PDS5A: variants seen among roughly 807,000 people sequenced by gnomAD.
PDS5A encodes the protein sister chromatid cohesion protein PDS5 homolog A.
Under a neutral mutation model 167.1 loss-of-function variants are expected in PDS5A, and 42 were observed. That is an observed-to-expected ratio of 0.25 (90% confidence interval 0.20 to 0.33). PDS5A has a LOEUF of 0.33. PDS5A is among the 10% of genes least tolerant of loss of function. The pLI is 1.00. For missense variants in PDS5A, 1,033 were observed against 1,605.9 expected, an observed-to-expected ratio of 0.64 and a Z score of 6.10; for synonymous variants, 553 against 554.6, an observed-to-expected ratio of 1.00 and a Z score of 0.04.
chr4:39,935,704 G>A (rs1726530114), intron 2 of PDS5A, among the ~76,000 whole-genome samples: 1 of 152,158 alleles, frequency 6.6e-6, no homozygotes, highest in South Asian at 2.1e-4. Flanking sequence ...CAGGTAGTAT[G>A]TGAATCATCC....
chr4:39,961,689 C>G (rs62309245), intron 2 of PDS5A, among the ~76,000 whole-genome samples: 29,592 of 152,114 alleles, frequency 0.19, 3,381 homozygotes, highest in South Asian at 0.28. Flanking sequence ...GCACCGCACC[C>G]AGCCATGTGG....
intron 18 of PDS5A, among the ~76,000 whole-genome samples, chr4:39,879,367 A>G (rs1481694969): frequency 3.3e-5 from 5 of 152,070 alleles, no homozygotes; most frequent in Admixed American, 2.0e-4. Flanking sequence ...AAATATACCA[A>G]GAAATACTCC....
In PDS5A at chr4:39,952,338, A is replaced by C. The variant is rs190600647; in HGVS notation, c.138+24102T>G. ...AGAGTGAGACTCCGTCTCAAAACAA[A>C]ACAAAAACCAATTATTTCAATTTTA... On this transcript the variant is annotated intron_variant, in intron 2 of 32. Transcript: ENST00000303538. 9.1e-3 allele frequency among the ~76,000 whole-genome samples: 1,384 copies of C among 152,336 alleles called. 11 individuals are homozygous for C. Among genetic ancestry groups the C allele is most frequent in the Non-Finnish European group, 0.015 (1,003 of 68,034 alleles).
At chr4:39,845,645 T>C (rs1203537207) in intron 29 of PDS5A, among the ~76,000 whole-genome samples, 173 bp downstream of exon 29, 1 of 152,124 alleles carries the variant, frequency 6.6e-6, no homozygotes, top group East Asian at 1.9e-4. Context: ...AGAGGAGTGG[T>C]TGCTGGCAGA....
chr4:39,828,825 A>T (rs1265685481), intron 32 of PDS5A, among the ~76,000 whole-genome samples: 1 of 152,214 alleles, frequency 6.6e-6, no homozygotes, highest in Non-Finnish European at 1.5e-5. Context: ...ATATTACTGC[A>T]GAGTTGTGAA....
At chr4:39,929,320 G>A (rs377241719) in intron 2 of PDS5A, among the ~76,000 whole-genome samples, 12 of 151,618 alleles carry the variant, frequency 7.9e-5, no homozygotes, top group Admixed American at 4.6e-4. Flanking sequence ...AGCTTCCATC[G>A]AATATAAAGT....
chr4:39,943,440 C>G (rs1189972649), intron 2 of PDS5A, among the ~76,000 whole-genome samples: 1 of 151,638 alleles, frequency 6.6e-6, no homozygotes, highest in Admixed American at 6.6e-5. Context: ...AAATTAGATG[C>G]CACACATTTT....
intron 16 of PDS5A, among the ~76,000 whole-genome samples, chr4:39,897,645 C>T (rs1038892619): frequency 5.9e-5 from 9 of 152,228 alleles, no homozygotes; most frequent in Middle Eastern, 3.4e-3. Flanking sequence ...GTGATCCACA[C>T]GCCTTGGACT....
chr4:39,907,500 C>T (rs773970229), intron 11 of PDS5A, among the ~76,000 whole-genome samples: 1 of 152,088 alleles, frequency 6.6e-6, no homozygotes, highest in Non-Finnish European at 1.5e-5. Flanking sequence ...GCCTGCCTTA[C>T]ACATCTGTTT....
In PDS5A at chr4:39,876,953, G is replaced by A. The variant is rs778035479; in HGVS notation, c.2153+40C>T. ...AATGATTTTATGGTTCCCATACTTAGAAACTTTTGTATTTACCACGGGAGA... is the reference window on the plus strand; with the variant it reads ...AATGATTTTATGGTTCCCATACTTAAAAACTTTTGTATTTACCACGGGAGA... On this transcript the variant is annotated intron_variant, in intron 19 of 32. Transcript: ENST00000303538. 2.0e-6 allele frequency: 3 copies of A among 1,477,726 alleles called. No homozygotes were observed. In the Admixed American group the frequency reaches 5.8e-5, roughly 28 times the overall value. The allele number at this position is 1,477,726 out of a possible 1,614,324, so 91.5% of individuals were successfully genotyped here.
intron 16 of PDS5A, among the ~76,000 whole-genome samples, chr4:39,896,647 T>A (rs772019562): frequency 6.6e-6 from 1 of 151,700 alleles, no homozygotes; most frequent in Non-Finnish European, 1.5e-5. Flanking sequence ...GTGCCTATAG[T>A]CCCAGCTACT....
chr4:39,875,988 T>C (rs1389735770), intron 19 of PDS5A, among the ~76,000 whole-genome samples: 1 of 152,070 alleles, frequency 6.6e-6, no homozygotes, highest in Non-Finnish European at 1.5e-5. Flanking sequence ...GCATTGTGCT[T>C]TTCTGCTTTC....
chr4:39,863,262 G>A, intron 24 of PDS5A, 74 bp downstream of exon 24: 1 of 1,176,870 alleles, frequency 8.5e-7, no homozygotes, highest in Non-Finnish European at 1.2e-6. Context: ...ATTATAAATG[G>A]ATTTGTATCC....
At chr4:39,868,678 C>T in intron 22 of PDS5A, 1 of 449,594 alleles carries the variant, frequency 2.2e-6, no homozygotes, top group South Asian at 1.6e-5. Context: ...ACTATGCTGC[C>T]CAGGTTGGTC....
At chr4:39,897,160 G>A (rs1228350407) in intron 16 of PDS5A, among the ~76,000 whole-genome samples, 1 of 152,110 alleles carries the variant, frequency 6.6e-6, no homozygotes, top group Non-Finnish European at 1.5e-5. Flanking sequence ...TTGGGAGGCC[G>A]AGGTGGGTGG....
intron 2 of PDS5A, among the ~76,000 whole-genome samples, chr4:39,949,411 A>G (rs150076944): frequency 3.5e-4 from 54 of 152,208 alleles, no homozygotes; most frequent in African/African-American, 1.2e-3. Flanking sequence ...TTTATATGAA[A>G]TGTCCAGATC....
chr4:39,899,753 G>GT (rs1447996745), intron 14 of PDS5A, among the ~76,000 whole-genome samples: 8 of 151,334 alleles, frequency 5.3e-5, no homozygotes, highest in Non-Finnish European at 1.5e-5. Context: ...GAAGGCTGAG[G>GT]TGGGAGGATC....
At chr4:39,965,261 A>G (rs146792085) in intron 2 of PDS5A, among the ~76,000 whole-genome samples, 2 of 152,336 alleles carry the variant, frequency 1.3e-5, no homozygotes, top group Non-Finnish European at 2.9e-5. Flanking sequence ...CCCTAAAACT[A>G]CATCTTACAG....
chr4:39,948,250 A>C (rs1357554004), intron 2 of PDS5A, among the ~76,000 whole-genome samples: 1 of 149,160 alleles, frequency 6.7e-6, no homozygotes, highest in Non-Finnish European at 1.5e-5. Flanking sequence ...AAAAGAAAAG[A>C]GAAATTTGCA....
Sources: allele counts gnomAD v4.1 joint callset (sites outside exome capture counted in the v4.1 genomes callset), GRCh38; gene constraint gnomAD v4.1.1; transcripts MANE v1.5; gene names NCBI Gene and HGNC (gene_info 2026-07-23, HGNC 2026-07-21).